Variants in PAMR1 observed in about 807,000 individuals in gnomAD.
PAMR1 encodes inactive serine protease PAMR1.
A neutral mutation model predicts 81.8 loss-of-function variants in PAMR1; 88 were observed. The ratio of observed to expected loss-of-function variants is 1.08; its 90% CI spans 0.91 to 1.28. PAMR1 has a LOEUF of 1.28. Among genes scored for constraint, PAMR1 ranks in the 50% most tolerant of loss-of-function variants. The probability of loss-of-function intolerance (pLI) is 0.00; values close to 1 mark genes in which losing one functional copy is unlikely to be tolerated. For synonymous variants in PAMR1, 336 were observed against 345.3 expected (o/e 0.97, Z 0.30); for missense variants, 935 against 919.7 (o/e 1.02, Z -0.21).
At chr11:35,472,010 A>G (rs1850197393) in intron 4 of PAMR1, among the ~76,000 whole-genome samples, 1 of 152,228 alleles carries the variant, frequency 6.6e-6, no homozygotes, top group African/African-American at 2.4e-5. Flanking sequence ...CAGTATATTG[A>G]TTGTAAGTGT....
At chr11:35,467,881 G>A (rs1034273110) in intron 6 of PAMR1, 120 bp downstream of exon 6, 18 of 606,514 alleles carry the variant, frequency 3.0e-5, no homozygotes, top group Non-Finnish European at 4.5e-5. Context: ...TATCCACACT[G>A]TGCACCATCT....
intron 10 of PAMR1, among the ~76,000 whole-genome samples, chr11:35,433,726 AGATGGATGGATG>A (rs71044517): frequency 6.5e-4 from 96 of 148,768 alleles, no homozygotes; most frequent in African/African-American, 1.7e-3. Context: ...ATAGATGGAG[AGATGGATGGATG>A]GATGGATGGA....
intron 3 of PAMR1, among the ~76,000 whole-genome samples, chr11:35,491,012 C>G (rs552175063): frequency 1.2e-4 from 19 of 152,316 alleles, no homozygotes; most frequent in African/African-American, 4.3e-4. Context: ...AATCTTGCAG[C>G]TAACCTACCT....
intron 6 of PAMR1, among the ~76,000 whole-genome samples, chr11:35,454,890 G>A (rs540469058): frequency 6.6e-6 from 1 of 152,204 alleles, no homozygotes; most frequent in African/African-American, 2.4e-5. Flanking sequence ...AAAGAATTAG[G>A]TAGTCTAAGA....
intron 7 of PAMR1, 152 bp downstream of exon 7, chr11:35,441,329 A>C: frequency 1.6e-6 from 1 of 638,572 alleles, no homozygotes; most frequent in Non-Finnish European, 2.8e-6. Flanking sequence ...AAATATTTTT[A>C]GGATGGTTTC....
At chr11:35,475,670 C>A (rs1181557843) in intron 3 of PAMR1, among the ~76,000 whole-genome samples, 2 of 152,136 alleles carry the variant, frequency 1.3e-5, no homozygotes, top group African/African-American at 4.8e-5. Flanking sequence ...ATATTCTCTA[C>A]CTGGGGGTTG....
chr11:35,473,424 C>T (rs2135381313), intron 4 of PAMR1, among the ~76,000 whole-genome samples: 1 of 152,202 alleles, frequency 6.6e-6, no homozygotes, highest in South Asian at 2.1e-4. Flanking sequence ...TGTCTTGGTC[C>T]CTGAGCTGCT....
upstream of PAMR1, among the ~76,000 whole-genome samples, chr11:35,526,565 GCCTCT>G (rs1173649070): frequency 6.6e-6 from 1 of 152,142 alleles, no homozygotes; most frequent in Non-Finnish European, 1.5e-5. Flanking sequence ...AATAAACCTA[GCCTCT>G]GTATTTTACA....
At chr11:35,528,548 T>G (rs1334888266), upstream of PAMR1, among the ~76,000 whole-genome samples, 1 of 152,248 alleles carries the variant, frequency 6.6e-6, no homozygotes, top group African/African-American at 2.4e-5. Flanking sequence ...TATTTCAACA[T>G]GTAAGCACCA....
Position 35,494,081 on chromosome 11 carries a change from C to G in PAMR1, c.250+15G>C. On this transcript the variant is annotated intron_variant, in intron 2 of 10. Coordinates refer to ENST00000619888, the MANE Select transcript of PAMR1 (RefSeq NM_001001991.3). ...CAACATGAAGGCAACCTGAAGTCTC[C>G]CATTCCACACTCACCTGGGTGGATC... 2 of 1,610,078 alleles carry G rather than the reference C, an allele frequency of 1.2e-6. No homozygotes were observed. The highest frequency in any genetic ancestry group is 1.7e-6 in the Non-Finnish European group (2 of 1,176,656).
chr11:35,488,619 A>G (rs1850556515), intron 3 of PAMR1, among the ~76,000 whole-genome samples: 1 of 150,706 alleles, frequency 6.6e-6, no homozygotes, highest in Non-Finnish European at 1.5e-5. Flanking sequence ...CTTATTTAAA[A>G]GAAAGTTGTC....
At chr11:35,442,275 C>G (rs1856186457) in intron 6 of PAMR1, among the ~76,000 whole-genome samples, 1 of 151,974 alleles carries the variant, frequency 6.6e-6, no homozygotes, top group African/African-American at 2.4e-5. Flanking sequence ...AATAAATTTC[C>G]CTTGATCTCC....
At chr11:35,436,534 C>T (rs558080780) in intron 8 of PAMR1, among the ~76,000 whole-genome samples, 1 of 152,258 alleles carries the variant, frequency 6.6e-6, no homozygotes, top group African/African-American at 2.4e-5. Context: ...ATCCACTCAC[C>T]TTGGCCTCCC....
intron 6 of PAMR1, among the ~76,000 whole-genome samples, chr11:35,466,726 C>CAAAAAAAAAAAAAAAAAAAAAAAAA (rs71044519): frequency 1.6e-5 from 1 of 63,948 alleles, no homozygotes; most frequent in Non-Finnish European, 2.9e-5. Flanking sequence ...GGCTCTATCT[C>CAAAAAAAAAAAAAAAAAAAAAAAAA]AAAAAAAAAA....
At chr11:35,458,404 G>A (rs2135364029) in intron 6 of PAMR1, among the ~76,000 whole-genome samples, 1 of 152,138 alleles carries the variant, frequency 6.6e-6, no homozygotes, top group East Asian at 1.9e-4. Context: ...AGTTTGCAGT[G>A]ATTTACAAAA....
chr11:35,475,201 C>T (rs1464289811), intron 3 of PAMR1, among the ~76,000 whole-genome samples: 1 of 152,182 alleles, frequency 6.6e-6, no homozygotes, highest in African/African-American at 2.4e-5. Flanking sequence ...TTTCCTCCAC[C>T]ATCCAGGCAG....
At chr11:35,447,695 G>A (rs556979916) in intron 6 of PAMR1, among the ~76,000 whole-genome samples, 45 of 152,236 alleles carry the variant, frequency 3.0e-4, no homozygotes, top group African/African-American at 9.6e-4. Flanking sequence ...CGTGATGCTC[G>A]CTGGTTATTT....
intron 1 of PAMR1, among the ~76,000 whole-genome samples, chr11:35,498,955 C>T (rs1850778886): frequency 6.6e-6 from 1 of 152,198 alleles, no homozygotes; most frequent in African/African-American, 2.4e-5. Flanking sequence ...GTTTTCTGTT[C>T]TCATTTACCT....
chr11:35,502,576 C>A (rs1454110523), intron 1 of PAMR1, among the ~76,000 whole-genome samples: 1 of 152,178 alleles, frequency 6.6e-6, no homozygotes, highest in African/African-American at 2.4e-5. Context: ...CATGTCCCTG[C>A]AAAGGACATG....
Sources: gnomAD v4.1 joint callset for allele counts (sites outside exome capture counted in the v4.1 genomes callset) on GRCh38, gnomAD v4.1.1 for gene constraint, MANE v1.5 for transcripts, NCBI Gene and HGNC (gene_info 2026-07-23, HGNC 2026-07-21) for gene names.